CACNA1B: variants seen among roughly 807,000 people sequenced by gnomAD.
The protein encoded by CACNA1B is voltage-dependent N-type calcium channel subunit alpha-1B.
Under a neutral mutation model 247.2 loss-of-function variants are expected in CACNA1B, and 70 were observed. The ratio of observed to expected loss-of-function variants is 0.28; its 90% CI spans 0.23 to 0.35. The LOEUF (loss-of-function observed/expected upper bound fraction) is 0.35. CACNA1B is among the 10% of genes least tolerant of loss of function. CACNA1B has a pLI of 1.00. For missense variants in CACNA1B, 2,367 were observed against 3,197.4 expected, an observed-to-expected ratio of 0.74 and a Z score of 6.26; for synonymous variants, 1,231 against 1,294.4, an observed-to-expected ratio of 0.95 and a Z score of 1.05.
Position 138,120,303 on chromosome 9 carries a change from C to T in CACNA1B, c.6169C>T (p.His2057Tyr). Residue 2057 changes from histidine to tyrosine, a missense_variant, in exon 45 of 47, where the codon CAC (histidine) becomes TAC (tyrosine). By Grantham distance (83) the His-to-Tyr change is moderately conservative. Transcript: ENST00000371372. ...ASSHHHHHRCHRRRDRKQRSL... is the reference protein window; with the variant it reads ...ASSHHHHHRCYRRRDRKQRSL... Reference sequence around the variant, plus strand: ...GTCGCACCACCACCACCACCGCTGCCACCGCCGCAGGGACAGGAAGCAGAG... The same window carrying T: ...GTCGCACCACCACCACCACCGCTGCTACCGCCGCAGGGACAGGAAGCAGAG... 1.3e-6 allele frequency: 2 copies of T among 1,563,910 alleles called. No homozygotes were observed. Among genetic ancestry groups the T allele is most frequent in the Non-Finnish European group, 1.7e-6 (2 of 1,157,554 alleles).
At position 137,971,400 on chromosome 9, in the gene CACNA1B, G is replaced by T; in HGVS notation, c.1351G>T (p.Ala451Ser). 6.2e-7 allele frequency: 1 copy of T among 1,612,166 alleles called. No homozygotes were observed. Among genetic ancestry groups the T allele is most frequent in the East Asian group, 2.2e-5 (1 of 44,788 alleles). Reference sequence around the variant, plus strand: ...CCCCTCAGGATCCCCCTTCGCCCGCGCCAGCCTCAAGAGCGGGAAGACAGA... The same window carrying T: ...CCCCTCAGGATCCCCCTTCGCCCGCTCCAGCCTCAAGAGCGGGAAGACAGA... ...LCAVGSPFAR[A>S]SLKSGKTESS... Residue 451 changes from alanine (A) to serine (S), a missense_variant, in exon 11 of 47, where the codon GCC becomes TCC. Physicochemically the swap from Ala to Ser is moderately conservative, Grantham distance 99. Transcript: ENST00000371372. The surrounding 1 kb of genome is among the most constrained non-coding windows in gnomAD (Gnocchi z 4.4).
At position 137,957,387 on chromosome 9, in the gene CACNA1B, A is replaced by G. The variant is rs1193020593; in HGVS notation, c.1244-211A>G. On this transcript the variant is annotated intron_variant, in intron 9 of 46. Coordinates refer to ENST00000371372, the MANE Select transcript of CACNA1B (RefSeq NM_000718.4). This position sits in a 1 kb window ranked among gnomAD's most constrained non-coding sequence, Gnocchi z 4.7. Reference sequence around the variant, plus strand: ...ATTTTGGAAGAAAGGGAAAGCGGGGACCCCTCACCCTCAAAATTCCTTGTC... The same window carrying G: ...ATTTTGGAAGAAAGGGAAAGCGGGGGCCCCTCACCCTCAAAATTCCTTGTC... Among the ~76,000 whole-genome samples the G allele has an allele frequency of 6.6e-6, 1 of 151,940 alleles. No individual in the cohort carries two copies. The highest frequency in any genetic ancestry group is 1.5e-5 in the Non-Finnish European group (1 of 67,962).
intron 31 of CACNA1B, among the ~76,000 whole-genome samples, chr9:138,065,318 T>C (rs1226602487): frequency 6.6e-6 from 1 of 152,082 alleles, no homozygotes; most frequent in Non-Finnish European, 1.5e-5. Context: ...CAAGTCAGGC[T>C]GTATGAAAAC....
chr9:138,066,574 A>G (rs2133522247), intron 31 of CACNA1B, among the ~76,000 whole-genome samples: 1 of 152,356 alleles, frequency 6.6e-6, no homozygotes, highest in East Asian at 1.9e-4. Context: ...CAGAGCGATC[A>G]CAGGGCCTGT....
rs772964775 is a variant in CACNA1B, at chr9:138,121,557, C to T, written c.6578C>T (p.Thr2193Met). Residue 2193 changes from threonine to methionine, a missense_variant, in exon 47 of 47, where the codon ACG becomes ATG. Around this residue, in one of 12 missense-constraint regions of CACNA1B, gnomAD observed 773 missense variants for 779.4 expected, o/e 0.99. Transcript: ENST00000371372. The surrounding 1 kb of genome is among the most constrained non-coding windows in gnomAD (Gnocchi z 6.8). ...GGTGGGCGGAGGCAGCTCCCCCAGACGCCCCTGACTCCCCGCCCCAGCATC... is the reference window on the plus strand; with the variant it reads ...GGTGGGCGGAGGCAGCTCCCCCAGATGCCCCTGACTCCCCGCCCCAGCATC... ...GRGGRRQLPQ[T>M]PLTPRPSITY... The T allele has an allele frequency of 1.8e-5, 29 of 1,602,904 alleles. No homozygotes were observed. Among genetic ancestry groups the T allele is most frequent in the Middle Eastern group, 1.7e-4 (1 of 6,022 alleles).
At chr9:137,979,262 A>G (rs1296909859) in intron 12 of CACNA1B, among the ~76,000 whole-genome samples, 4 of 152,172 alleles carry the variant, frequency 2.6e-5, no homozygotes, top group African/African-American at 4.8e-5. Flanking sequence ...GTTGAAGGCC[A>G]AGGATATGGT....
intron 36 of CACNA1B, among the ~76,000 whole-genome samples, chr9:138,081,332 G>A (rs1022763018): frequency 7.2e-5 from 11 of 152,332 alleles, no homozygotes; most frequent in African/African-American, 2.4e-4. Flanking sequence ...TTGTCCCCAT[G>A]GACCTCAGTC....
At position 137,940,695 on chromosome 9, in the gene CACNA1B, A is replaced by T. The variant is rs538835897; in HGVS notation, c.967-11579A>T. ...AAAATACTAGCTAACTGAATACAAC[A>T]GTATATCAAGAAGATAATTCACCAT... On this transcript the variant is annotated intron_variant, in intron 6 of 46. Transcript: ENST00000371372. Among the ~76,000 whole-genome samples the T allele has an allele frequency of 1.6e-4, 25 of 152,356 alleles. No individual in the cohort carries two copies. The South Asian group carries it at 5.2e-3, about 32-fold the overall frequency.
At chr9:138,089,817 G>A (rs897273609) in intron 36 of CACNA1B, among the ~76,000 whole-genome samples, 3 of 152,158 alleles carry the variant, frequency 2.0e-5, no homozygotes, top group Admixed American at 2.0e-4. Flanking sequence ...AATCAGTAGT[G>A]TGTCTGTATA....
At chr9:137,926,065 T>A (rs1469844709) in intron 6 of CACNA1B, among the ~76,000 whole-genome samples, 1 of 103,496 alleles carries the variant, frequency 9.7e-6, no homozygotes, top group Non-Finnish European at 2.0e-5. Context: ...CCTTTTTTCC[T>A]TTCTTTTTTT....
At chr9:137,949,045 T>G (rs985975869) in intron 6 of CACNA1B, among the ~76,000 whole-genome samples, 6 of 137,258 alleles carry the variant, frequency 4.4e-5, no homozygotes, top group African/African-American at 1.1e-4. Flanking sequence ...GTGTGGTGTG[T>G]GTGTGGGTGT....
At position 138,058,553 on chromosome 9, in the gene CACNA1B, C is replaced by T. The variant is rs887223517; in HGVS notation, c.4309-16C>T. ...TTTCTGCTTCTGAGTCTCTGTGCTC[C>T]TTTCTCCCCTTACAGAGGGCTTGCA... On this transcript the variant is annotated splice_polypyrimidine_tract_variant and intron_variant, in intron 28 of 46. Transcript: ENST00000371372. This position sits in a 1 kb window ranked among gnomAD's most constrained non-coding sequence, Gnocchi z 4.7. 8 of 1,601,996 alleles carry T rather than the reference C, an allele frequency of 5.0e-6. No homozygotes were observed. Among genetic ancestry groups the T allele is most frequent in the African/African-American group, 4.0e-5 (3 of 74,104 alleles).
intron 6 of CACNA1B, among the ~76,000 whole-genome samples, chr9:137,942,570 C>G (rs1434067361): frequency 2.0e-5 from 3 of 152,150 alleles, no homozygotes; most frequent in Non-Finnish European, 4.4e-5. Context: ...TGGAACCAAC[C>G]CAAATGCCCA....
chr9:137,877,857 G>C lies in CACNA1B; in HGVS notation c.-77G>C. Reference sequence around the variant, plus strand: ...GTCCCGGCGGCTCCGTGGCTGCTCCGCTCTGAGCGCCTGGCGCGCCCCGCG... The same window carrying C: ...GTCCCGGCGGCTCCGTGGCTGCTCCCCTCTGAGCGCCTGGCGCGCCCCGCG... On this transcript the variant is annotated 5_prime_UTR_variant, in exon 1 of 47. Transcript: ENST00000371372. 1.2e-6 allele frequency: 1 copy of C among 853,246 alleles called. No homozygotes were observed. Among genetic ancestry groups the C allele is most frequent in the African/African-American group, 1.8e-5 (1 of 54,450 alleles). 52.9% of individuals were successfully genotyped at this position (853,246 alleles called of 1,614,324 possible).
At chr9:137,999,995 A>G (rs1958546314) in intron 15 of CACNA1B, among the ~76,000 whole-genome samples, 1 of 152,202 alleles carries the variant, frequency 6.6e-6, no homozygotes, top group African/African-American at 2.4e-5. Context: ...AAAAAATGTA[A>G]CCCAAAAGGG....
intron 6 of CACNA1B, among the ~76,000 whole-genome samples, chr9:137,939,277 G>C (rs1033623822): frequency 5.3e-5 from 8 of 152,136 alleles, no homozygotes; most frequent in Non-Finnish European, 1.2e-4. Flanking sequence ...ATTCATCAGT[G>C]TATGGAACTC....
intron 10 of CACNA1B, among the ~76,000 whole-genome samples, chr9:137,968,103 C>T (rs1330492339): frequency 6.6e-6 from 1 of 152,110 alleles, no homozygotes; most frequent in Non-Finnish European, 1.5e-5. Flanking sequence ...ATACTTGGAT[C>T]TCTGGGCCTT....
chr9:137,991,906 ACCAAG>A (rs1958435795), intron 15 of CACNA1B, among the ~76,000 whole-genome samples: 1 of 152,232 alleles, frequency 6.6e-6, no homozygotes, highest in Admixed American at 6.5e-5. Context: ...ATTCGCCACT[ACCAAG>A]CCAGCACTAT....
intron 3 of CACNA1B, among the ~76,000 whole-genome samples, chr9:137,897,081 C>T (rs576621354): frequency 6.6e-6 from 1 of 151,752 alleles, no homozygotes; most frequent in East Asian, 1.9e-4. Flanking sequence ...AGTTTTTTTT[C>T]CCAGAGAGCC....
Sources: gnomAD v4.1 joint callset for allele counts (sites outside exome capture counted in the v4.1 genomes callset) on GRCh38, gnomAD v4.1.1 for gene constraint, gnomAD v4.1.1 regional missense constraint, Gnocchi (gnomAD v3.1) non-coding constraint, MANE v1.5 for transcripts, NCBI Gene and HGNC (gene_info 2026-07-23, HGNC 2026-07-21) for gene names.